DENND4A: variants seen among roughly 807,000 people sequenced by gnomAD.
DENND4A encodes the protein DENN domain containing 4A.
In DENND4A, 70 loss-of-function variants were observed where a neutral mutation model predicts 199.3. That is an observed-to-expected ratio of 0.35 (90% CI 0.29 to 0.43). The LOEUF is 0.43. DENND4A is among the 20% of genes least tolerant of loss of function. The pLI, the probability that DENND4A is intolerant of heterozygous loss-of-function variation, is 1.00. For synonymous variants in DENND4A, 686 were observed against 766.9 expected, an observed-to-expected ratio of 0.89 and a Z score of 1.74; for missense variants, 1,723 against 2,255.8, an observed-to-expected ratio of 0.76 and a Z score of 4.78.
At chr15:65,673,997 A>G (rs564473623) in intron 24 of DENND4A, among the ~76,000 whole-genome samples, 1 of 152,304 alleles carries the variant, frequency 6.6e-6, no homozygotes, top group African/African-American at 2.4e-5. Context: ...AAAAAAGAAA[A>G]GAAGGGAGTG....
intron 1 of DENND4A, among the ~76,000 whole-genome samples, chr15:65,785,956 G>C (rs1258161586): frequency 1.3e-5 from 2 of 152,156 alleles, no homozygotes; most frequent in East Asian, 3.9e-4. Flanking sequence ...AAATCAGTAA[G>C]AAATCAAAGA....
chr15:65,659,424 C>G lies in DENND4A; in HGVS notation c.*2427G>C, dbSNP rs986836194. ...TCACAGCTCATTGCAGCCCCAAACC[C>G]CCAGGCTCAAAGTGATCCTCCTGCT... On this transcript the variant is annotated 3_prime_UTR_variant, in exon 33 of 33. Transcript: ENST00000443035. The G allele has an allele frequency of 6.8e-6, 1 of 147,904 alleles. No individual in the cohort carries two copies. Among genetic ancestry groups the G allele is most frequent in the Admixed American group, 6.8e-5 (1 of 14,774 alleles). The allele number at this position is 147,904 out of a possible 1,614,324, so 9.2% of individuals were successfully genotyped here.
Position 65,729,557 on chromosome 15 carries a change from T to C in DENND4A, c.1288A>G (p.Ser430Gly). 6.2e-7 allele frequency: 1 copy of C among 1,609,224 alleles called. No homozygotes were observed. Among genetic ancestry groups the C allele is most frequent in the Non-Finnish European group, 8.5e-7 (1 of 1,177,640 alleles). Residue 430 changes from serine (S) to glycine (G), a missense_variant, in exon 10 of 33, where the codon AGT (serine) becomes GGT (glycine). Transcript: ENST00000443035. ...IHSLRPSVLT[S>G]VTEALVSMIF... The stretch of plus-strand genomic sequence containing the variant: ...ACAGACACTAATGCTTCTGTCACAC[T>C]AGTAAGCACGGATGGCCGTAGGGAA...
At position 65,738,860 on chromosome 15, in the gene DENND4A, T is replaced by C; in HGVS notation, c.647A>G (p.Tyr216Cys). 1 of 1,594,940 alleles carries C rather than the reference T, an allele frequency of 6.3e-7. No homozygotes were observed. Among genetic ancestry groups the C allele is most frequent in the Non-Finnish European group, 8.5e-7 (1 of 1,171,988 alleles). The part of the protein sequence containing the change: ...VSYKAGLICR[Y>C]PQEDYESFSL... ...GAATGACTCATAATCTTCTTGAGGA[T>C]ATCTACAAATTAGGCCTATAAAAAC... The change falls in exon 6 of 33, where the codon TAT (tyrosine) becomes TGT (cysteine). Residue 216 changes from tyrosine (Y) to cysteine (C), a missense_variant. Tyr to Cys is a radical substitution (Grantham distance 194, BLOSUM62 -2). Transcript: ENST00000443035.
chr15:65,672,878 T>TG (rs1423860169), intron 24 of DENND4A, among the ~76,000 whole-genome samples: 1 of 151,712 alleles, frequency 6.6e-6, no homozygotes, highest in Non-Finnish European at 1.5e-5. Flanking sequence ...TATTTTTTTT[T>TG]TTTTGAGACA....
At chr15:65,786,391 GT>G (rs879484114) in intron 1 of DENND4A, among the ~76,000 whole-genome samples, 2 of 151,238 alleles carry the variant, frequency 1.3e-5, no homozygotes, top group East Asian at 3.9e-4. Context: ...TACATGTTTT[GT>G]TTTTTTTCTA....
intron 7 of DENND4A, among the ~76,000 whole-genome samples, chr15:65,734,489 T>C (rs1380254226): frequency 6.6e-6 from 1 of 152,170 alleles, no homozygotes; most frequent in Non-Finnish European, 1.5e-5. Context: ...ATCCTCCATA[T>C]GCTGAACGCT....
chr15:65,689,092 T>C (rs28523581), intron 23 of DENND4A, among the ~76,000 whole-genome samples: 30,971 of 152,194 alleles, frequency 0.2, 4,220 homozygotes, highest in East Asian at 0.74. Context: ...CACTGCTCCT[T>C]TGCAGGTAAT....
chr15:65,666,452 G>A (rs919496040), intron 29 of DENND4A, among the ~76,000 whole-genome samples: 6 of 152,138 alleles, frequency 3.9e-5, no homozygotes, highest in Admixed American at 6.5e-5. Context: ...GGGACAGCAC[G>A]AAATTTCATC....
At position 65,660,235 on chromosome 15, in the gene DENND4A, TAACTG is replaced by T. The variant is rs1160758346; in HGVS notation, c.*1611_*1615del. The T allele has an allele frequency of 4.0e-6, 6 of 1,484,158 alleles. No individual in the cohort carries two copies. Among genetic ancestry groups the T allele is most frequent in the Non-Finnish European group, 5.5e-6 (6 of 1,100,130 alleles). The allele number at this position is 1,484,158 out of a possible 1,614,324, so 91.9% of individuals were successfully genotyped here. ...CAAGTAAGCAAGTTCAGCCCCAAAC[TAACTG>T]AAGTTTTACATTTTTAAACTCTCTC... On this transcript the variant is annotated 3_prime_UTR_variant, in exon 33 of 33. Coordinates refer to ENST00000443035, the MANE Select transcript of DENND4A (RefSeq NM_001320835.1).
At chr15:65,724,338 G>A (rs2075737950) in intron 11 of DENND4A, among the ~76,000 whole-genome samples, 1 of 151,532 alleles carries the variant, frequency 6.6e-6, no homozygotes, top group African/African-American at 2.4e-5. Context: ...AGGATTACAG[G>A]CAAAAGGCAC....
intron 12 of DENND4A, among the ~76,000 whole-genome samples, chr15:65,718,486 T>A (rs1232660765): frequency 6.6e-6 from 1 of 152,162 alleles, no homozygotes; most frequent in Admixed American, 6.6e-5. Flanking sequence ...AGTATTGGCA[T>A]TGTTCAGAAA....
intron 13 of DENND4A, among the ~76,000 whole-genome samples, chr15:65,716,174 C>A (rs2075391958): frequency 6.6e-6 from 1 of 151,974 alleles, no homozygotes; most frequent in Admixed American, 6.6e-5. Context: ...GTAAACTGTT[C>A]TCTCTGCGTA....
rs900640813 is a variant in DENND4A at position 65,689,706 on chromosome 15, T to G, written c.4179+709A>C. Among the ~76,000 whole-genome samples, 46 of 152,222 alleles carry G rather than the reference T, an allele frequency of 3.0e-4. 1 individual carries two copies. Among genetic ancestry groups the G allele is most frequent in the Non-Finnish European group, 8.8e-5 (6 of 68,034 alleles). ...ACAGACGTTCTACTTACCCTTCTCA[T>G]GCAGTATCAAGTATTTGGAAAATGT... is the stretch of plus-strand genomic sequence containing the variant. On this transcript the variant is annotated intron_variant, in intron 23 of 32. Coordinates refer to ENST00000443035, the MANE Select transcript of DENND4A (RefSeq NM_001320835.1).
chr15:65,701,403 C>CA (rs2074863085), intron 18 of DENND4A, among the ~76,000 whole-genome samples: 1 of 151,848 alleles, frequency 6.6e-6, no homozygotes, highest in Admixed American at 6.6e-5. Flanking sequence ...CCCACCTCTC[C>CA]AAAAAATATG....
At chr15:65,743,041 A>G (rs1183652011) in intron 4 of DENND4A, among the ~76,000 whole-genome samples, 1 of 152,204 alleles carries the variant, frequency 6.6e-6, no homozygotes, top group African/African-American at 2.4e-5. Context: ...TATTATTACA[A>G]TTTAACGTGA....
intron 2 of DENND4A, among the ~76,000 whole-genome samples, chr15:65,757,262 T>TGG (rs71139431): frequency 6.4e-4 from 66 of 102,894 alleles, no homozygotes; most frequent in East Asian, 1.5e-3. Flanking sequence ...TCTTCTGAGA[T>TGG]GGGGGGGGGG....
At chr15:65,756,527 G>C (rs1177184741) in intron 2 of DENND4A, 55 bp from the exon 3 acceptor site, 97 of 1,328,436 alleles carry the variant, frequency 7.3e-5, no homozygotes, top group Non-Finnish European at 9.7e-5. Context: ...ATAAATACAA[G>C]TGGTTTGTGT....
chr15:65,750,829 AG>A lies in DENND4A; in HGVS notation c.561+1549del, dbSNP rs1282955549. 2.6e-5 allele frequency among the ~76,000 whole-genome samples: 4 copies of A among 152,242 alleles called. 1 individual carries two copies. In the South Asian group the frequency reaches 8.3e-4, roughly 32 times the overall value. ...GGCTTTTACTAAGAGTGAGATGAGA[AG>A]CCATTAAGGGTTTTAAGCAGAGTAG... is the stretch of plus-strand genomic sequence containing the variant. On this transcript the variant is annotated intron_variant, in intron 4 of 32. Coordinates refer to ENST00000443035, the MANE Select transcript of DENND4A (RefSeq NM_001320835.1).
Sources: allele counts gnomAD v4.1 joint callset (sites outside exome capture counted in the v4.1 genomes callset), GRCh38; gene constraint gnomAD v4.1.1; transcripts MANE v1.5; gene names NCBI Gene and HGNC (gene_info 2026-07-23, HGNC 2026-07-21).